Variants in RAPGEF5 observed in about 807,000 individuals in gnomAD.
RAPGEF5 encodes M-Ras-regulated GEF.
RAPGEF5 carries 65 observed loss-of-function variants against 125.2 expected under a neutral mutation model. The observed-to-expected ratio is 0.52, with a 90% CI of 0.43 to 0.64. The LOEUF is 0.64. Ranked by LOEUF, RAPGEF5 falls within the 30% of genes least tolerant of loss-of-function variation. The pLI is 0.00. For missense variants in RAPGEF5, 958 were observed against 1,048.1 expected (o/e 0.91, Z 1.19); for synonymous variants, 391 against 385.9 (o/e 1.01, Z -0.16).
intron 1 of RAPGEF5, among the ~76,000 whole-genome samples, chr7:22,338,301 T>A (rs1784062493): frequency 6.6e-6 from 1 of 152,228 alleles, no homozygotes; most frequent in African/African-American, 2.4e-5. Context: ...GGTAGACAAC[T>A]CCCAGCTCTT....
chr7:22,128,364 T>C (rs565218775), intron 24 of RAPGEF5, among the ~76,000 whole-genome samples: 44 of 152,324 alleles, frequency 2.9e-4, no homozygotes, highest in African/African-American at 8.7e-4. Context: ...TGGATTTTCA[T>C]GGGGTCTGAC....
At chr7:22,190,597 G>T (rs947749541) in intron 11 of RAPGEF5, among the ~76,000 whole-genome samples, 1 of 152,042 alleles carries the variant, frequency 6.6e-6, no homozygotes, top group Non-Finnish European at 1.5e-5. Flanking sequence ...TTCTCCTCCC[G>T]GCTATATTCA....
chr7:22,122,173 C>G lies in RAPGEF5; in HGVS notation c.*233G>C. On this transcript the variant is annotated 3_prime_UTR_variant, in exon 26 of 26. Coordinates refer to ENST00000665637, the MANE Select transcript of RAPGEF5 (RefSeq NM_012294.5). ...ACCAGCCTTCTCCATCTCAAGAATGCTTCTGACTCTCCTTCTGCCTTCTTG... is the reference window on the plus strand; with the variant it reads ...ACCAGCCTTCTCCATCTCAAGAATGGTTCTGACTCTCCTTCTGCCTTCTTG... 1 of 477,198 alleles carries G rather than the reference C, an allele frequency of 2.1e-6. No individual in the cohort carries two copies. The highest frequency in any genetic ancestry group is 3.4e-5 in the East Asian group (1 of 29,256). The allele number at this position is 477,198 out of a possible 1,614,324, so 29.6% of individuals were successfully genotyped here.
intron 7 of RAPGEF5, among the ~76,000 whole-genome samples, chr7:22,243,392 G>A (rs1786390635): frequency 1.3e-5 from 2 of 152,116 alleles, no homozygotes. Flanking sequence ...GAGTAGCTGG[G>A]ATTACAGGCA....
At chr7:22,281,723 G>C (rs956048001) in intron 6 of RAPGEF5, among the ~76,000 whole-genome samples, 12 of 152,220 alleles carry the variant, frequency 7.9e-5, no homozygotes, top group Non-Finnish European at 1.5e-4. Context: ...ATAGCCAACA[G>C]GGTTTCCTGG....
At chr7:22,263,255 G>A (rs1409990518) in intron 7 of RAPGEF5, among the ~76,000 whole-genome samples, 2 of 152,166 alleles carry the variant, frequency 1.3e-5, no homozygotes, top group Non-Finnish European at 2.9e-5. Flanking sequence ...ATACCATACT[G>A]TAGTTTTGCA....
chr7:22,202,532 C>A (rs1177836345), intron 9 of RAPGEF5, among the ~76,000 whole-genome samples: 1 of 152,124 alleles, frequency 6.6e-6, no homozygotes, highest in African/African-American at 2.4e-5. Context: ...CAGCACAGTC[C>A]CCTGCCACCC....
At chr7:22,321,497 A>G (rs1020522976) in intron 1 of RAPGEF5, among the ~76,000 whole-genome samples, 1 of 152,196 alleles carries the variant, frequency 6.6e-6, no homozygotes, top group African/African-American at 2.4e-5. Context: ...AGATGCCTTA[A>G]TACTATCCTT....
chr7:22,270,429 G>A (rs1379910901), intron 6 of RAPGEF5, among the ~76,000 whole-genome samples: 1 of 152,206 alleles, frequency 6.6e-6, no homozygotes, highest in East Asian at 1.9e-4. Context: ...ATAAGACAAT[G>A]ATGATTTTTC....
At chr7:22,161,874 A>T (rs79384834) in intron 13 of RAPGEF5, among the ~76,000 whole-genome samples, 3,605 of 152,274 alleles carry the variant, frequency 0.024, 53 homozygotes, top group Middle Eastern at 0.065. Flanking sequence ...TGTCTTACTA[A>T]TCATCTCTCC....
At chr7:22,129,271 C>T (rs1782841737) in intron 24 of RAPGEF5, among the ~76,000 whole-genome samples, 1 of 152,136 alleles carries the variant, frequency 6.6e-6, no homozygotes, top group African/African-American at 2.4e-5. Flanking sequence ...CGTCTGCCCT[C>T]AACAACAGGC....
At chr7:22,333,165 T>C (rs1458575612) in intron 1 of RAPGEF5, among the ~76,000 whole-genome samples, 1 of 152,198 alleles carries the variant, frequency 6.6e-6, no homozygotes, top group African/African-American at 2.4e-5. Flanking sequence ...GAAAAAAACT[T>C]TTTAAAAGTT....
rs543883712 is a variant in RAPGEF5, at chr7:22,328,206, T to A, written c.232-10169A>T. On this transcript the variant is annotated intron_variant, in intron 1 of 25. Coordinates refer to ENST00000665637, the MANE Select transcript of RAPGEF5 (RefSeq NM_012294.5). ...AGAGAACCCTCTTACCCAAGGTTCC[T>A]CCTGGTCAGAAGGGAAAACAGGATG... 1.6e-4 allele frequency among the ~76,000 whole-genome samples: 24 copies of A among 152,336 alleles called. 1 individual carries two copies. The South Asian group carries it at 5.0e-3, about 32-fold the overall frequency.
intron 8 of RAPGEF5, among the ~76,000 whole-genome samples, chr7:22,220,735 T>C (rs762037398): frequency 6.6e-6 from 1 of 151,620 alleles, no homozygotes; most frequent in Non-Finnish European, 1.5e-5. Context: ...AAAAAGTTCA[T>C]TCTAACACAC....
In RAPGEF5 at chr7:22,145,209, T is replaced by G; in HGVS notation, c.2021A>C (p.Tyr674Ser). Residue 674 changes from tyrosine (Y) to serine (S), a missense_variant, in exon 20 of 26, where the codon TAC becomes TCC. By Grantham distance (144) the Tyr-to-Ser change is moderately radical. Transcript: ENST00000665637. Reference sequence around the variant, plus strand: ...ACTTCCCTGTCTGCTGAACGTGAAGTAGATCAGCTCTTGCTGAAAGAAAAT... The same window carrying G: ...ACTTCCCTGTCTGCTGAACGTGAAGGAGATCAGCTCTTGCTGAAAGAAAAT... ...FNSIHEQELI[Y>S]FTFSRQGSGE... is the part of the protein sequence containing the mutation. The G allele has an allele frequency of 3.1e-6, 5 of 1,612,044 alleles. No homozygotes were observed. The highest frequency in any genetic ancestry group is 4.2e-6 in the Non-Finnish European group (5 of 1,178,968).
Position 22,118,733 on chromosome 7 carries a change from G to T in RAPGEF5, c.*3673C>A, listed in dbSNP as rs895142083. ...TAAAAGGCAAGATTTCTTGCTTCAGGTCACTGATTTCATCCCAGTATTTAA... is the reference window on the plus strand; with the variant it reads ...TAAAAGGCAAGATTTCTTGCTTCAGTTCACTGATTTCATCCCAGTATTTAA... On this transcript the variant is annotated 3_prime_UTR_variant, in exon 26 of 26. Transcript: ENST00000665637. 2 of 152,474 alleles carry T rather than the reference G, an allele frequency of 1.3e-5. No individual in the cohort carries two copies. The highest frequency in any genetic ancestry group is 2.9e-5 in the Non-Finnish European group (2 of 68,028). 9.4% of individuals were successfully genotyped at this position (152,474 alleles called of 1,614,324 possible). A position where few individuals can be genotyped will look rare whatever the true frequency, so the allele number is the denominator to read the frequency against.
chr7:22,283,134 T>C (rs904999436), intron 6 of RAPGEF5, among the ~76,000 whole-genome samples: 26 of 152,110 alleles, frequency 1.7e-4, no homozygotes, highest in African/African-American at 6.3e-4. Flanking sequence ...ATAGGCACTT[T>C]TCTAATCTGC....
At chr7:22,288,161 T>C (rs1006849406) in intron 6 of RAPGEF5, among the ~76,000 whole-genome samples, 7 of 152,192 alleles carry the variant, frequency 4.6e-5, no homozygotes, top group Non-Finnish European at 8.8e-5. Context: ...ACCTTCATGG[T>C]ATAAACCATT....
chr7:22,270,050 G>A (rs990406300), intron 6 of RAPGEF5, among the ~76,000 whole-genome samples: 1 of 152,222 alleles, frequency 6.6e-6, no homozygotes, highest in African/African-American at 2.4e-5. Context: ...AAAGAATGTG[G>A]GGGAATTTAT....
Sources: gnomAD v4.1 joint callset for allele counts (sites outside exome capture counted in the v4.1 genomes callset) on GRCh38, gnomAD v4.1.1 for gene constraint, MANE v1.5 for transcripts, NCBI Gene and HGNC (gene_info 2026-07-23, HGNC 2026-07-21) for gene names.